Variants in ARHGEF4 observed in about 807,000 individuals in gnomAD.
The protein encoded by ARHGEF4 is APC-stimulated guanine nucleotide exchange factor 1.
A neutral mutation model predicts 162.0 loss-of-function variants in ARHGEF4; 119 were observed. The observed-to-expected ratio is 0.73, with a 90% confidence interval of 0.63 to 0.86. The LOEUF is 0.86. Ranked by LOEUF, ARHGEF4 falls within the 40% of genes least tolerant of loss-of-function variation. The pLI is 0.00. For missense variants in ARHGEF4, 2,488 were observed against 2,456.0 expected, an observed-to-expected ratio of 1.01 and a Z score of -0.28; for synonymous variants, 1,014 against 979.9, an observed-to-expected ratio of 1.03 and a Z score of -0.65.
intron 13 of ARHGEF4, 140 bp from the exon 14 acceptor site, chr2:131,045,898 G>C: frequency 6.7e-7 from 1 of 1,491,980 alleles, no homozygotes; most frequent in Non-Finnish European, 8.9e-7. Context: ...AGCTCTCCAG[G>C]AGCAAGTCCT....
intron 1 of ARHGEF4, among the ~76,000 whole-genome samples, chr2:130,905,857 G>T (rs1680781716): frequency 6.6e-6 from 1 of 152,124 alleles, no homozygotes; most frequent in South Asian, 2.1e-4. Flanking sequence ...TGTATATAGG[G>T]TTCAATACTA....
At chr2:131,039,115 G>A in intron 6 of ARHGEF4, 83 bp downstream of exon 6, 1 of 1,463,812 alleles carries the variant, frequency 6.8e-7, no homozygotes, top group Non-Finnish European at 9.1e-7. Flanking sequence ...GCCCAAAACA[G>A]CTCTGGCATC....
chr2:130,898,945 C>A (rs531426942), intron 1 of ARHGEF4, among the ~76,000 whole-genome samples: 1 of 152,218 alleles, frequency 6.6e-6, no homozygotes, highest in African/African-American at 2.4e-5. Flanking sequence ...CCCAAACACA[C>A]GCATGCAGCT....
intron 4 of ARHGEF4, among the ~76,000 whole-genome samples, chr2:130,985,702 ACTGT>A (rs2105264875): frequency 6.6e-6 from 1 of 152,322 alleles, no homozygotes; most frequent in African/African-American, 2.4e-5. Context: ...TGCAAAAACA[ACTGT>A]CTGTGGCACT....
chr2:131,041,952 C>T lies in ARHGEF4; in HGVS notation c.5025+8C>T, dbSNP rs115246035. On this transcript the variant is annotated splice_region_variant and intron_variant, in intron 10 of 13. Transcript: ENST00000409359. ...TCCATAGAGGACTGGGAGGTGAGGG[C>T]CTGGGGGCACAGAAAATTCCAGGAG... 1,729 of 1,609,398 alleles carry T rather than the reference C, an allele frequency of 1.1e-3. 15 individuals carry two copies. The African/African-American group carries it at 0.019, about 18-fold the overall frequency.
chr2:130,957,175 AT>A (rs140702513), intron 4 of ARHGEF4, among the ~76,000 whole-genome samples: 14,463 of 151,994 alleles, frequency 0.095, 718 homozygotes, highest in Non-Finnish European at 0.11. Context: ...AACAAATAAA[AT>A]AAAATAAAAA....
At chr2:130,991,677 TC>T (rs1225800141) in intron 4 of ARHGEF4, among the ~76,000 whole-genome samples, 1 of 152,216 alleles carries the variant, frequency 6.6e-6, no homozygotes, top group Non-Finnish European at 1.5e-5. Context: ...TTAGCTGCCT[TC>T]CCGCGGGGCA....
At position 130,914,860 on chromosome 2, in the gene ARHGEF4, G is replaced by A. The variant is rs545653896; in HGVS notation, c.914G>A (p.Arg305His). Residue 305 changes from arginine (R) to histidine (H), a missense_variant, in exon 2 of 14, where the codon CGC (arginine) becomes CAC (histidine). Around this residue, in one of 6 missense-constraint regions of ARHGEF4, gnomAD observed 1,642 missense variants for 1,481.5 expected, o/e 1.11. Transcript: ENST00000409359. ...CCTTTGAGGACATCTTGCCTCCTACGCACCAACCGTCACCATAGTGCCCCA... is the reference window on the plus strand; with the variant it reads ...CCTTTGAGGACATCTTGCCTCCTACACACCAACCGTCACCATAGTGCCCCA... ...QPPLRTSCLL[R>H]TNRHHSAPET... is the part of the protein sequence containing the mutation. 66 of 1,479,264 alleles carry A rather than the reference G, an allele frequency of 4.5e-5. No homozygotes were observed. In the African/African-American group the frequency reaches 8.5e-4, roughly 19 times the overall value. The allele number at this position is 1,479,264 out of a possible 1,614,324, so 91.6% of individuals were successfully genotyped here.
chr2:130,932,395 G>C (rs1042150350), intron 3 of ARHGEF4, among the ~76,000 whole-genome samples: 3 of 152,190 alleles, frequency 2.0e-5, no homozygotes, highest in African/African-American at 7.2e-5. Flanking sequence ...TTTTAGTAAA[G>C]ATGGAGTTTC....
rs1411736726 is a variant in ARHGEF4 at position 130,916,160 on chromosome 2, T to C, written c.2214T>C (p.Arg738=). The change falls in exon 2 of 14, where the codon CGT becomes CGC. Residue 738 remains arginine (R), a synonymous_variant. Coordinates refer to ENST00000409359, the MANE Select transcript of ARHGEF4 (RefSeq NM_001367493.1). ...AGGAGCCCCCGGGAGAGAGACTGCG[T>C]GGGGAGAGCCGGAGCTCCGGGTCAG... ...STEEPPGERL[R]GESRSSGSGE... is the part of the protein sequence containing the mutation. 2.6e-6 allele frequency: 4 copies of C among 1,548,612 alleles called. No homozygotes were observed. Among genetic ancestry groups the C allele is most frequent in the Admixed American group, 3.9e-5 (2 of 50,970 alleles).
intron 12 of ARHGEF4, 110 bp from the exon 13 acceptor site, chr2:131,045,259 A>G (rs1285822136): frequency 9.7e-7 from 1 of 1,035,378 alleles, no homozygotes; most frequent in South Asian, 1.5e-5. Context: ...GCCAGTACTG[A>G]GTCCCCAGTA....
chr2:130,841,553 C>A (rs1680615409), intron 1 of ARHGEF4, among the ~76,000 whole-genome samples: 1 of 152,112 alleles, frequency 6.6e-6, no homozygotes, highest in Non-Finnish European at 1.5e-5. Flanking sequence ...TCCTCCCATC[C>A]TCTGTCGTGC....
At chr2:131,030,643 A>C (rs1689791276) in intron 5 of ARHGEF4, among the ~76,000 whole-genome samples, 1 of 152,208 alleles carries the variant, frequency 6.6e-6, no homozygotes, top group Admixed American at 6.5e-5. Context: ...GAAGGCTACC[A>C]GTGCTTCCAG....
At chr2:130,949,556 G>A (rs1435340756) in intron 4 of ARHGEF4, among the ~76,000 whole-genome samples, 1 of 152,014 alleles carries the variant, frequency 6.6e-6, no homozygotes, top group African/African-American at 2.4e-5. Context: ...GGGTTTCACT[G>A]TGATAGCCAG....
At position 130,977,655 on chromosome 2, in the gene ARHGEF4, GTGTA is replaced by G. The variant is rs571391674; in HGVS notation, c.3985+31027_3985+31030del. ...GTGTGTTTTGTGTTTTGCATGTGTC[GTGTA>G]TGTATGGTGTGTGTGTGTGCGCTGT... is the stretch of plus-strand genomic sequence containing the variant. On this transcript the variant is annotated intron_variant, in intron 4 of 13. Transcript: ENST00000409359. Among the ~76,000 whole-genome samples the G allele has an allele frequency of 7.2e-3, 1,096 of 151,906 alleles. 9 individuals carry two copies. Among genetic ancestry groups the G allele is most frequent in the Non-Finnish European group, 0.012 (818 of 67,940 alleles).
At chr2:130,844,006 A>G (rs1266838265) in intron 1 of ARHGEF4, among the ~76,000 whole-genome samples, 1 of 152,128 alleles carries the variant, frequency 6.6e-6, no homozygotes, top group Non-Finnish European at 1.5e-5. Flanking sequence ...GGCTTCAGTC[A>G]GGTGTCCTCA....
chr2:130,946,084 G>A (rs908187477), intron 3 of ARHGEF4, among the ~76,000 whole-genome samples: 2 of 152,228 alleles, frequency 1.3e-5, no homozygotes, highest in African/African-American at 4.8e-5. Context: ...CTTACTGTCT[G>A]AAGGGCAGTG....
chr2:131,027,053 G>A (rs1296272903), intron 4 of ARHGEF4, among the ~76,000 whole-genome samples: 1 of 152,222 alleles, frequency 6.6e-6, no homozygotes, highest in African/African-American at 2.4e-5. Context: ...CATGAAAGCA[G>A]GGTTGAGAAA....
intron 4 of ARHGEF4, among the ~76,000 whole-genome samples, chr2:130,998,281 T>C (rs1301231774): frequency 1.3e-5 from 2 of 152,192 alleles, no homozygotes; most frequent in Non-Finnish European, 2.9e-5. Context: ...AAGCAGAGAG[T>C]ACAGAGTGTT....
Sources: gnomAD v4.1 joint callset for allele counts (sites outside exome capture counted in the v4.1 genomes callset) on GRCh38, gnomAD v4.1.1 for gene constraint, gnomAD v4.1.1 regional missense constraint, MANE v1.5 for transcripts, NCBI Gene and HGNC (gene_info 2026-07-23, HGNC 2026-07-21) for gene names.